PAPOLA: variants seen among roughly 807,000 people sequenced by gnomAD.
PAPOLA encodes poly(A) polymerase alpha.
A neutral mutation model predicts 100.6 loss-of-function variants in PAPOLA; 15 were observed. That is an observed-to-expected ratio of 0.15 (90% CI 0.10 to 0.23). The LOEUF (loss-of-function observed/expected upper bound fraction) is 0.23, where lower values mean the gene tolerates loss of function less well. PAPOLA is among the 10% of genes least tolerant of loss of function. PAPOLA has a pLI of 1.00. For missense variants in PAPOLA, 533 were observed against 884.2 expected (o/e 0.60, Z 5.04); for synonymous variants, 293 against 300.0 (o/e 0.98, Z 0.24).
intron 17 of PAPOLA, among the ~76,000 whole-genome samples, chr14:96,555,032 G>A: frequency 6.6e-6 from 1 of 151,990 alleles, no homozygotes; most frequent in Non-Finnish European, 1.5e-5. Flanking sequence ...GAAACTTCGG[G>A]GGAGTAAAGA....
intron 3 of PAPOLA, among the ~76,000 whole-genome samples, chr14:96,522,112 CTTTCTTTTTT>C (rs1172598273): frequency 1.0e-4 from 10 of 98,710 alleles, no homozygotes; most frequent in East Asian, 2.5e-4. Flanking sequence ...CTCTTTCTTT[CTTTCTTTTTT>C]TTTTTTTTTT....
At chr14:96,517,910 G>T (rs773894236) in intron 1 of PAPOLA, among the ~76,000 whole-genome samples, 2 of 151,952 alleles carry the variant, frequency 1.3e-5, no homozygotes, top group Non-Finnish European at 2.9e-5. Context: ...CTTCTTGGCT[G>T]GGCTGGTCTT....
At chr14:96,508,653 G>C (rs1896896459) in intron 1 of PAPOLA, among the ~76,000 whole-genome samples, 1 of 152,182 alleles carries the variant, frequency 6.6e-6, no homozygotes, top group African/African-American at 2.4e-5. Context: ...TTCATCTTCA[G>C]TTTTATCTAG....
At chr14:96,510,907 G>T (rs1897071369) in intron 1 of PAPOLA, among the ~76,000 whole-genome samples, 1 of 152,078 alleles carries the variant, frequency 6.6e-6, no homozygotes, top group African/African-American at 2.4e-5. Context: ...TATTATTTTG[G>T]CTAATAATTA....
intron 3 of PAPOLA, 105 bp downstream of exon 3, chr14:96,521,177 A>ATG: frequency 1.5e-6 from 1 of 682,666 alleles, no homozygotes. Flanking sequence ...GGAGTCTTTA[A>ATG]TGTGGAGTCA....
chr14:96,522,218 G>C (rs1898061786), intron 3 of PAPOLA, among the ~76,000 whole-genome samples: 1 of 146,496 alleles, frequency 6.8e-6, no homozygotes, highest in South Asian at 2.2e-4. Context: ...GCCTCCTGCG[G>C]CCAACTGATT....
At chr14:96,537,992 A>G (rs566606216) in intron 12 of PAPOLA, 1 of 152,058 alleles carries the variant, frequency 6.6e-6, no homozygotes, top group Admixed American at 6.6e-5. Flanking sequence ...CTACGTTGTC[A>G]GTAAAAATTA....
rs372549958 is a variant in PAPOLA, at chr14:96,555,388, T to C, written c.1665-459T>C. Among the ~76,000 whole-genome samples, 7 of 152,142 alleles carry C rather than the reference T, an allele frequency of 4.6e-5. No homozygotes were observed. In the East Asian group the frequency reaches 5.8e-4, roughly 13 times the overall value. ...ATGCCTGGCCTCTTATTAATAACTT[T>C]TTAAAGGATTTTTGTTCGAAAAAAT... On this transcript the variant is annotated intron_variant, in intron 17 of 21. Transcript: ENST00000216277.
chr14:96,552,240 G>A (rs1002883782), intron 16 of PAPOLA, among the ~76,000 whole-genome samples: 1 of 152,012 alleles, frequency 6.6e-6, no homozygotes, highest in African/African-American at 2.4e-5. Context: ...ATTTAATACG[G>A]CATTTCTTTC....
chr14:96,519,821 A>G (rs936360159), intron 1 of PAPOLA, among the ~76,000 whole-genome samples: 1 of 152,142 alleles, frequency 6.6e-6, no homozygotes, highest in Non-Finnish European at 1.5e-5. Flanking sequence ...CTAGCAATGT[A>G]TTTGGTCTGG....
At chr14:96,553,233 C>G (rs532286848) in intron 17 of PAPOLA, 1 of 152,498 alleles carries the variant, frequency 6.6e-6, no homozygotes, top group East Asian at 1.9e-4. Flanking sequence ...AAATTTTCAG[C>G]CAGGTGCAGT....
At chr14:96,558,833 TATC>T (rs1901569871) in intron 19 of PAPOLA, among the ~76,000 whole-genome samples, 1 of 152,176 alleles carries the variant, frequency 6.6e-6, no homozygotes, top group Non-Finnish European at 1.5e-5. Context: ...AATTTATTAA[TATC>T]ATCAAACATC....
chr14:96,551,053 GTTCT>G (rs1322043214), intron 16 of PAPOLA, among the ~76,000 whole-genome samples: 1 of 152,154 alleles, frequency 6.6e-6, no homozygotes, highest in Non-Finnish European at 1.5e-5. Context: ...TCTGTAGTAT[GTTCT>G]TTGTTTTATT....
rs192768749 is a variant in PAPOLA at position 96,565,624 on chromosome 14, G to A, written c.*574G>A. The A allele has an allele frequency of 3.0e-5, 12 of 395,680 alleles. No homozygotes were observed. The highest frequency in any genetic ancestry group is 2.2e-4 in the Admixed American group (5 of 22,684). The allele number at this position is 395,680 out of a possible 1,614,324, so 24.5% of individuals were successfully genotyped here. A position where few individuals can be genotyped will look rare whatever the true frequency, so the allele number is the denominator to read the frequency against. On this transcript the variant is annotated 3_prime_UTR_variant, in exon 22 of 22. Transcript: ENST00000216277. ...TAGCTGTAACCCTTAAAAATGAAAC[G>A]TCAACTCTAGGGTACATTTGACATT...
At chr14:96,504,244 G>A (rs1436936935) in intron 1 of PAPOLA, 4 of 152,104 alleles carry the variant, frequency 2.6e-5, no homozygotes, top group Admixed American at 1.3e-4. Context: ...AACCTTAAAA[G>A]GCTTCAATGA....
At chr14:96,533,668 C>T in intron 9 of PAPOLA, 1 of 237,448 alleles carries the variant, frequency 4.2e-6, no homozygotes, top group Non-Finnish European at 5.5e-6. Context: ...TATTCTCCTG[C>T]CTTAGTCTCC....
At chr14:96,509,985 T>TTTTTTA (rs1491489544) in intron 1 of PAPOLA, among the ~76,000 whole-genome samples, 4 of 149,030 alleles carry the variant, frequency 2.7e-5, no homozygotes, top group African/African-American at 9.9e-5. Context: ...TTTTTTTTTT[T>TTTTTTA]AATCTTTGGA....
intron 19 of PAPOLA, among the ~76,000 whole-genome samples, chr14:96,557,014 C>T (rs1901396311): frequency 6.6e-6 from 1 of 152,090 alleles, no homozygotes; most frequent in East Asian, 1.9e-4. Context: ...GGTAGCTAGA[C>T]CCACAGGTGC....
At chr14:96,548,499 A>C (rs1260929607) in intron 16 of PAPOLA, among the ~76,000 whole-genome samples, 1 of 152,142 alleles carries the variant, frequency 6.6e-6, no homozygotes, top group Non-Finnish European at 1.5e-5. Flanking sequence ...AGCATATTGG[A>C]ATTTTAGTGG....
Sources: allele counts gnomAD v4.1 joint callset (sites outside exome capture counted in the v4.1 genomes callset), GRCh38; gene constraint gnomAD v4.1.1; transcripts MANE v1.5; gene names NCBI Gene and HGNC (gene_info 2026-07-23, HGNC 2026-07-21).